The following PITPNB variants were observed in gnomAD, a reference collection of about 807,000 sequenced individuals.
The protein encoded by PITPNB is phosphatidylinositol transfer protein beta isoform.
A neutral mutation model predicts 45.9 loss-of-function variants in PITPNB; 16 were observed. That is an observed-to-expected ratio of 0.35 (90% CI 0.24 to 0.53). The LOEUF (loss-of-function observed/expected upper bound fraction) is 0.53, where lower values mean the gene tolerates loss of function less well. Ranked by LOEUF, PITPNB falls within the 20% of genes least tolerant of loss-of-function variation. The pLI, the probability that PITPNB is intolerant of heterozygous loss-of-function variation, is 0.93. For missense variants in PITPNB, 188 were observed against 330.5 expected (o/e 0.57, Z 3.34); for synonymous variants, 112 against 108.9 (o/e 1.03, Z -0.18).
At chr22:27,858,288 A>G in intron 10 of PITPNB, 99 bp downstream of exon 10, 1 of 948,218 alleles carries the variant, frequency 1.1e-6, no homozygotes, top group Non-Finnish European at 1.6e-6. Flanking sequence ...AATGATTTTT[A>G]ACAACACTCT....
intron 8 of PITPNB, among the ~76,000 whole-genome samples, chr22:27,873,189 C>T (rs1934718594): frequency 6.6e-6 from 1 of 152,212 alleles, no homozygotes; most frequent in African/African-American, 2.4e-5. Flanking sequence ...ATCACTTCAA[C>T]CCAGGAGGCA....
intron 7 of PITPNB, among the ~76,000 whole-genome samples, chr22:27,886,174 T>A (rs1030435393): frequency 9.2e-5 from 14 of 152,164 alleles, no homozygotes; most frequent in African/African-American, 3.4e-4. Context: ...AAACAGGAAA[T>A]CCGTTTCCTA....
chr22:27,872,086 T>G (rs1415283160), intron 8 of PITPNB, among the ~76,000 whole-genome samples: 2 of 120,634 alleles, frequency 1.7e-5, no homozygotes, highest in Non-Finnish European at 3.4e-5. Flanking sequence ...GCCTGGTTTT[T>G]TTTTTTTTTT....
At chr22:27,872,081 GTTTTTTTTTTTTTTTT>G (rs58288724) in intron 8 of PITPNB, among the ~76,000 whole-genome samples, 84 of 64,442 alleles carry the variant, frequency 1.3e-3, no homozygotes, top group African/African-American at 3.8e-3. Context: ...ATTAAGCCTG[GTTTTTTTTTTTTTTTT>G]TTTTTTTTTT....
chr22:27,914,433 A>G (rs1936021105), intron 1 of PITPNB, 86 bp from the exon 2 acceptor site: 3 of 771,712 alleles, frequency 3.9e-6, no homozygotes, highest in Non-Finnish European at 6.4e-6. Flanking sequence ...CTTAAATCCA[A>G]TGATAACAGA....
At chr22:27,886,729 C>A (rs1180083066) in intron 7 of PITPNB, among the ~76,000 whole-genome samples, 1 of 152,182 alleles carries the variant, frequency 6.6e-6, no homozygotes, top group South Asian at 2.1e-4. Flanking sequence ...TGACAGAAAG[C>A]CCCCACCAGG....
intron 8 of PITPNB, among the ~76,000 whole-genome samples, chr22:27,873,253 G>C (rs949691576): frequency 2.0e-5 from 3 of 152,180 alleles, no homozygotes; most frequent in African/African-American, 7.2e-5. Flanking sequence ...GGCAACAAGA[G>C]TGAAACTCTG....
chr22:27,896,725 A>C (rs1476024237), intron 5 of PITPNB, 99 bp from the exon 6 acceptor site: 7 of 746,014 alleles, frequency 9.4e-6, no homozygotes, highest in Middle Eastern at 4.6e-4. Context: ...CCATGCTTTG[A>C]CTCTACAAGG....
chr22:27,905,410 A>G (rs1169197804), intron 3 of PITPNB, among the ~76,000 whole-genome samples: 1 of 152,194 alleles, frequency 6.6e-6, no homozygotes, highest in African/African-American at 2.4e-5. Flanking sequence ...TTGGCCTCCC[A>G]AAGTGCTGGG....
chr22:27,874,784 G>A (rs116637875), intron 7 of PITPNB, among the ~76,000 whole-genome samples: 2,564 of 152,334 alleles, frequency 0.017, 35 homozygotes, highest in African/African-American at 0.038. Flanking sequence ...AGACAGCAGG[G>A]AGAGTCCTTT....
chr22:27,910,969 T>C lies in PITPNB; in HGVS notation c.192A>G (p.Leu64=), dbSNP rs749998528. ...KGQYTHKIYH[L]KSKVPAFVRM... ...CAAATGTGAACACCGCTTACCTCTT[T>C]AGGTGATAAATTTTGTGCGTATACT... Residue 64 remains leucine (L), a synonymous_variant, in exon 3 of 12, where the codon CTA becomes CTG. Coordinates refer to ENST00000335272, the MANE Select transcript of PITPNB (RefSeq NM_012399.5). 1.9e-6 allele frequency: 3 copies of C among 1,613,108 alleles called. No homozygotes were observed. Among genetic ancestry groups the C allele is most frequent in the Admixed American group, 1.7e-5 (1 of 60,024 alleles).
chr22:27,855,065 T>G, intron 10 of PITPNB, 126 bp from the exon 11 acceptor site: 1 of 650,774 alleles, frequency 1.5e-6, no homozygotes, highest in Non-Finnish European at 2.7e-6. Flanking sequence ...ACATTAAGAA[T>G]GAAGTTCTGT....
At chr22:27,872,413 T>C (rs1273825013) in intron 8 of PITPNB, among the ~76,000 whole-genome samples, 4 of 36,398 alleles carry the variant, frequency 1.1e-4, no homozygotes, top group Non-Finnish European at 1.8e-4. Flanking sequence ...TTATATATAA[T>C]ACCCATTCTC....
intron 8 of PITPNB, among the ~76,000 whole-genome samples, chr22:27,872,081 GTTTTTTTTT>G (rs58288724): frequency 9.3e-5 from 6 of 64,366 alleles, no homozygotes; most frequent in African/African-American, 2.4e-4. Flanking sequence ...ATTAAGCCTG[GTTTTTTTTT>G]TTTTTTTTTT....
intron 8 of PITPNB, among the ~76,000 whole-genome samples, chr22:27,873,036 G>C (rs990009200): frequency 2.6e-5 from 4 of 152,224 alleles, no homozygotes; most frequent in African/African-American, 9.6e-5. Context: ...GGGAGGCCAG[G>C]GCGGGTGGAT....
rs538109741 is a variant in PITPNB at position 27,865,008 on chromosome 22, G to A, written c.535-4767C>T. 8.0e-4 allele frequency among the ~76,000 whole-genome samples: 122 copies of A among 152,070 alleles called. 1 individual carries two copies. The highest frequency in any genetic ancestry group is 1.6e-3 in the Non-Finnish European group (107 of 67,978). On this transcript the variant is annotated intron_variant, in intron 8 of 11. Coordinates refer to ENST00000335272, the MANE Select transcript of PITPNB (RefSeq NM_012399.5). ...AGTTAACAATGTGGGAGAAAAAAAG[G>A]AGAATTAATATAAATAGGTATCTAT...
At chr22:27,878,423 TAA>T (rs1293524457) in intron 7 of PITPNB, among the ~76,000 whole-genome samples, 1 of 152,226 alleles carries the variant, frequency 6.6e-6, no homozygotes, top group African/African-American at 2.4e-5. Context: ...AACAGAGGTG[TAA>T]AGAGAAATAA....
chr22:27,883,913 T>C (rs1055933330), intron 7 of PITPNB, among the ~76,000 whole-genome samples: 2 of 152,134 alleles, frequency 1.3e-5, no homozygotes, highest in Non-Finnish European at 2.9e-5. Flanking sequence ...ATTCAGGTGT[T>C]GCAAAGGAGG....
At chr22:27,869,756 G>A (rs1934598470) in intron 8 of PITPNB, among the ~76,000 whole-genome samples, 1 of 152,110 alleles carries the variant, frequency 6.6e-6, no homozygotes, top group African/African-American at 2.4e-5. Context: ...CTTCTGTGCT[G>A]GGAACTTAAC....
Sources: gnomAD v4.1 joint callset for allele counts (sites outside exome capture counted in the v4.1 genomes callset) on GRCh38, gnomAD v4.1.1 for gene constraint, MANE v1.5 for transcripts, NCBI Gene and HGNC (gene_info 2026-07-23, HGNC 2026-07-21) for gene names.